Variants in FGB observed in about 807,000 individuals in gnomAD.
The protein encoded by FGB is fibrinogen beta chain.
In FGB, 25 loss-of-function variants were observed where a neutral mutation model predicts 57.9. That is an observed-to-expected ratio of 0.43 (90% CI 0.31 to 0.60). The LOEUF is 0.60. FGB is among the 20% of genes least tolerant of loss of function. The pLI is 0.08. For synonymous variants in FGB, 203 were observed against 199.2 expected (o/e 1.02, Z -0.16); for missense variants, 536 against 598.4 (o/e 0.90, Z 1.09).
chr4:154,566,500 T>C lies in FGB; in HGVS notation c.318T>C (p.Cys106=), dbSNP rs6055. The C allele has an allele frequency of 2.3e-3, 3,744 of 1,614,078 alleles. 75 individuals carry two copies. In the African/African-American group the frequency reaches 0.044, roughly 19 times the overall value. Residue 106 remains cysteine (C), a synonymous_variant, in exon 3 of 8, where the codon TGT becomes TGC. Coordinates refer to ENST00000302068, the MANE Select transcript of FGB (RefSeq NM_005141.5). The part of the protein sequence containing the change: ...LHADPDLGVL[C]PTGCQLQEAL... ...TTCTTTGTTTTTAGGGGGTGTTGTG[T>C]CCTACAGGATGTCAGTTGCAAGAGG...
intron 1 of FGB, among the ~76,000 whole-genome samples, 169 bp downstream of exon 1, chr4:154,563,301 T>C (rs1460555056): frequency 6.6e-6 from 1 of 151,968 alleles, no homozygotes; most frequent in Admixed American, 6.6e-5. Context: ...GTATTTCTTA[T>C]ATAAAAACAA....
Position 154,566,680 on chromosome 4 carries a change from T to C in FGB, c.490+8T>C, listed in dbSNP as rs377635985. The C allele has an allele frequency of 2.9e-5, 46 of 1,613,284 alleles. No homozygotes were observed. The highest frequency in any genetic ancestry group is 3.9e-5 in the Non-Finnish European group (46 of 1,179,530). The stretch of plus-strand genomic sequence containing the variant: ...GGCAGAAGCAAGTAAAAGGTAGATA[T>C]CCTTGTGCTTTCCATTCGATTTTCA... On this transcript the variant is annotated splice_region_variant and intron_variant, in intron 3 of 7. Coordinates refer to ENST00000302068, the MANE Select transcript of FGB (RefSeq NM_005141.5).
In FGB at chr4:154,565,987, T is replaced by G; in HGVS notation, c.294T>G (p.Ala98=). ...KAPDAGGCLH[A]DPDLGVLCPT... ...CTGATGCTGGAGGCTGTCTTCACGC[T>G]GACCCAGACCTGGTGGGTGCACTGA... is the stretch of plus-strand genomic sequence containing the variant. Residue 98 remains alanine (A), a synonymous_variant, in exon 2 of 8, where the codon GCT becomes GCG. Coordinates refer to ENST00000302068, the MANE Select transcript of FGB (RefSeq NM_005141.5). 1.2e-6 allele frequency: 2 copies of G among 1,613,298 alleles called. No homozygotes were observed. Among genetic ancestry groups the G allele is most frequent in the Non-Finnish European group, 1.7e-6 (2 of 1,179,946 alleles).
At position 154,571,026 on chromosome 4, in the gene FGB, G is replaced by T; in HGVS notation, c.*376G>T. 6.6e-6 allele frequency: 2 copies of T among 303,470 alleles called. No individual in the cohort carries two copies. Among genetic ancestry groups the T allele is most frequent in the Non-Finnish European group, 1.3e-5 (2 of 158,018 alleles). 18.8% of individuals were successfully genotyped at this position (303,470 alleles called of 1,614,324 possible). On this transcript the variant is annotated 3_prime_UTR_variant, in exon 8 of 8. Coordinates refer to ENST00000302068, the MANE Select transcript of FGB (RefSeq NM_005141.5). ...TTTTAAAACTATATTTATTTATGTA[G>T]GATCTGTCAAAGAAAACTTCCAAAA...
rs972520624 is a variant in FGB at position 154,571,376 on chromosome 4, C to T, written c.*726C>T. 2.0e-5 allele frequency among the ~76,000 whole-genome samples: 3 copies of T among 151,506 alleles called. No homozygotes were observed. ...ATTAGCCAGGCGTGGTGGCAGGTGC[C>T]TGTAGTCCCAGCTACCTGTGAGGTG... On this transcript the variant is annotated 3_prime_UTR_variant, in exon 8 of 8. Transcript: ENST00000302068.
intron 3 of FGB, among the ~76,000 whole-genome samples, chr4:154,567,218 C>G (rs1283469183): frequency 6.6e-6 from 1 of 152,154 alleles, no homozygotes. Flanking sequence ...CAAGGTTCTG[C>G]TATACTTATG....
Position 154,569,569 on chromosome 4 carries a change from A to G in FGB, c.1014A>G (p.Thr338=), listed in dbSNP as rs1191476003. ...GCCAGCTTACCAGGATGGGACCCAC[A>G]GAACTTTTGATAGAAATGGAGGACT... ...KISQLTRMGP[T]ELLIEMEDWK... Residue 338 remains threonine (T), a synonymous_variant, in exon 7 of 8, where the codon ACA becomes ACG. Coordinates refer to ENST00000302068, the MANE Select transcript of FGB (RefSeq NM_005141.5). 6.2e-7 allele frequency: 1 copy of G among 1,614,154 alleles called. No homozygotes were observed. The highest frequency in any genetic ancestry group is 8.5e-7 in the Non-Finnish European group (1 of 1,180,004).
intron 3 of FGB, among the ~76,000 whole-genome samples, 170 bp from the exon 4 acceptor site, chr4:154,567,423 A>G (rs1439200544): frequency 6.6e-6 from 1 of 152,220 alleles, no homozygotes; most frequent in Admixed American, 6.5e-5. Context: ...GTTAATTTGT[A>G]TATGTCATGC....
Position 154,567,781 on chromosome 4 carries a change from T to G in FGB, c.679T>G (p.Cys227Gly). The G allele has an allele frequency of 6.2e-7, 1 of 1,614,070 alleles. No individual in the cohort carries two copies. The highest frequency in any genetic ancestry group is 8.5e-7 in the Non-Finnish European group (1 of 1,179,978). The stretch of plus-strand genomic sequence containing the variant: ...TCAAATGGAATATTGTCGCACCCCA[T>G]GCACTGTCAGTTGCAATATTCCTGT... The part of the protein sequence containing the change: ...SAQMEYCRTP[C>G]TVSCNIPVVS... Residue 227 changes from cysteine (C) to glycine (G), a missense_variant, in exon 4 of 8, where the codon TGC becomes GGC. Physicochemically the swap from Cys to Gly is radical, Grantham distance 159 (BLOSUM62 -3). Coordinates refer to ENST00000302068, the MANE Select transcript of FGB (RefSeq NM_005141.5).
chr4:154,569,238 G>T lies in FGB; in HGVS notation c.889G>T (p.Asp297Tyr). The T allele has an allele frequency of 6.2e-7, 1 of 1,614,030 alleles. No homozygotes were observed. The highest frequency in any genetic ancestry group is 8.5e-7 in the Non-Finnish European group (1 of 1,179,904). The change falls in exon 6 of 8, where the codon GAT becomes TAT. Residue 297 changes from aspartate (D) to tyrosine (Y), a missense_variant. Around this residue, in one of 3 missense-constraint regions of FGB, gnomAD observed 354 missense variants for 383.4 expected, o/e 0.92. Transcript: ENST00000302068. Reference protein sequence around the residue: ...DGSVDFGRKWDPYKQGFGNVA... With the variant: ...DGSVDFGRKWYPYKQGFGNVA... ...TAGTGTTGACTTTGGCAGGAAATGG[G>T]ATCCATATAAACAGGGATTTGGAAA... is the stretch of plus-strand genomic sequence containing the variant.
At chr4:154,565,259 C>A in intron 1 of FGB, 1 of 429,522 alleles carries the variant, frequency 2.3e-6, no homozygotes, top group Non-Finnish European at 4.8e-6. Context: ...ACGGTCAAGA[C>A]CTACAAGTAG....
rs559782088 is a variant in FGB at position 154,570,234 on chromosome 4, A to C, written c.1245-185A>C. ...CTAGATGGATTGGCCACAAAGGCCCAGTTATCTCTCTTTCTTGCTATAGGG... is the reference window on the plus strand; with the variant it reads ...CTAGATGGATTGGCCACAAAGGCCCCGTTATCTCTCTTTCTTGCTATAGGG... On this transcript the variant is annotated intron_variant, in intron 7 of 7. Coordinates refer to ENST00000302068, the MANE Select transcript of FGB (RefSeq NM_005141.5). Among the ~76,000 whole-genome samples the C allele has an allele frequency of 2.0e-5, 3 of 152,324 alleles. No individual in the cohort carries two copies. In the South Asian group the frequency reaches 6.2e-4, roughly 32 times the overall value.
chr4:154,572,063 C>T lies in FGB; in HGVS notation c.*1413C>T, dbSNP rs1730450139. Among the ~76,000 whole-genome samples the T allele has an allele frequency of 6.6e-6, 1 of 152,160 alleles. No homozygotes were observed. On this transcript the variant is annotated 3_prime_UTR_variant, in exon 8 of 8. Transcript: ENST00000302068. ...CAGAAAACTCTTATCAACTTACTTC[C>T]TGCTTAACATTAGCTCCTTCCTATC...
At position 154,566,532 on chromosome 4, in the gene FGB, T is replaced by C; in HGVS notation, c.350T>C (p.Leu117Pro). The C allele has an allele frequency of 6.2e-7, 1 of 1,614,156 alleles. No individual in the cohort carries two copies. The highest frequency in any genetic ancestry group is 1.1e-5 in the South Asian group (1 of 91,084). The change falls in exon 3 of 8, where the codon CTA becomes CCA. Residue 117 changes from leucine to proline, a missense_variant. Around this residue, in one of 3 missense-constraint regions of FGB, gnomAD observed 354 missense variants for 383.4 expected, o/e 0.92. Transcript: ENST00000302068. The part of the protein sequence containing the change: ...PTGCQLQEAL[L>P]QQERPIRNSV... ...GGATGTCAGTTGCAAGAGGCTTTGC[T>C]ACAACAGGAAAGGCCAATCAGAAAT...
At chr4:154,565,328 G>A (rs1029308193) in intron 1 of FGB, 8 of 296,712 alleles carry the variant, frequency 2.7e-5, no homozygotes, top group African/African-American at 1.8e-4. Context: ...TAAATTCCAA[G>A]TAGAATCAAC....
chr4:154,569,057 T>C, intron 5 of FGB, 125 bp from the exon 6 acceptor site: 1 of 1,042,482 alleles, frequency 9.6e-7, no homozygotes, highest in Non-Finnish European at 1.5e-6. Context: ...TATTTCCTTA[T>C]TGTGTCTATT....
intron 1 of FGB, chr4:154,565,333 A>G (rs1730110124): frequency 3.3e-6 from 1 of 302,346 alleles, no homozygotes; most frequent in African/African-American, 2.3e-5. Context: ...TCCAAGTAGA[A>G]TCAACCTTTA....
chr4:154,568,869 T>G (rs1730290641), intron 5 of FGB, among the ~76,000 whole-genome samples: 1 of 151,228 alleles, frequency 6.6e-6, no homozygotes, highest in Non-Finnish European at 1.5e-5. Flanking sequence ...AAAAAAAAAT[T>G]AATTAAAAAG....
chr4:154,564,640 A>C (rs919125337), intron 1 of FGB, among the ~76,000 whole-genome samples: 2 of 152,134 alleles, frequency 1.3e-5, no homozygotes, highest in African/African-American at 4.8e-5. Flanking sequence ...TTCCAAATAG[A>C]GTTCATCTGA....
Sources: gnomAD v4.1 joint callset for allele counts (sites outside exome capture counted in the v4.1 genomes callset) on GRCh38, gnomAD v4.1.1 for gene constraint, gnomAD v4.1.1 regional missense constraint, MANE v1.5 for transcripts, NCBI Gene and HGNC (gene_info 2026-07-23, HGNC 2026-07-21) for gene names.